SORBS2: variants seen among roughly 807,000 people sequenced by gnomAD.
SORBS2 encodes sorbin and SH3 domain containing 2.
Under a neutral mutation model 97.7 loss-of-function variants are expected in SORBS2, and 46 were observed. The ratio of observed to expected loss-of-function variants is 0.47; its 90% CI spans 0.37 to 0.60. SORBS2 has a LOEUF of 0.60. SORBS2 is among the 20% of genes least tolerant of loss of function. The probability of loss-of-function intolerance (pLI) is 0.00; values close to 1 mark genes in which losing one functional copy is unlikely to be tolerated. For missense variants in SORBS2, 1,316 were observed against 1,282.3 expected, an observed-to-expected ratio of 1.03 and a Z score of -0.40; for synonymous variants, 476 against 473.4, an observed-to-expected ratio of 1.01 and a Z score of -0.07.
At chr4:185,924,560 C>T (rs796224201) in intron 1 of SORBS2, among the ~76,000 whole-genome samples, 6 of 152,326 alleles carry the variant, frequency 3.9e-5, no homozygotes, top group African/African-American at 1.4e-4. Context: ...CCACAAGTGC[C>T]TGGCAACATG....
At chr4:185,650,466 T>C (rs1316014551) in intron 2 of SORBS2, among the ~76,000 whole-genome samples, 1 of 152,148 alleles carries the variant, frequency 6.6e-6, no homozygotes, top group Non-Finnish European at 1.5e-5. Context: ...AGAGACTAGC[T>C]GCAGTTGACT....
chr4:185,867,358 C>T (rs1422547399), intron 1 of SORBS2, among the ~76,000 whole-genome samples: 2 of 152,126 alleles, frequency 1.3e-5, no homozygotes, highest in Non-Finnish European at 2.9e-5. Context: ...TAGCAAAGGG[C>T]TAAATAACTT....
At chr4:185,667,687 G>GATATATAT (rs887494705) in intron 4 of SORBS2, among the ~76,000 whole-genome samples, 68 of 7,124 alleles carry the variant, frequency 9.5e-3, no homozygotes, top group Admixed American at 0.028. Context: ...TTTTAAATGT[G>GATATATAT]ATATATATAT....
chr4:185,751,125 T>C (rs925186588), intron 2 of SORBS2, among the ~76,000 whole-genome samples: 1 of 127,478 alleles, frequency 7.8e-6, no homozygotes, highest in African/African-American at 3.0e-5. Context: ...TTATATAACA[T>C]GGGTTCTTCC....
At chr4:185,867,341 T>C (rs1360446771) in intron 1 of SORBS2, among the ~76,000 whole-genome samples, 1 of 152,214 alleles carries the variant, frequency 6.6e-6, no homozygotes, top group Admixed American at 6.5e-5. Context: ...AAAATAGAAC[T>C]TCCTATTAGC....
At chr4:185,803,527 T>C (rs2099140381) in intron 1 of SORBS2, among the ~76,000 whole-genome samples, 1 of 152,196 alleles carries the variant, frequency 6.6e-6, no homozygotes, top group African/African-American at 2.4e-5. Flanking sequence ...CAAACTAAAC[T>C]ATATTATTTA....
At chr4:185,857,502 ATGAAATCAGTGCACCC>A (rs1195119827) in intron 1 of SORBS2, among the ~76,000 whole-genome samples, 1 of 152,230 alleles carries the variant, frequency 6.6e-6, no homozygotes, top group Non-Finnish European at 1.5e-5. Flanking sequence ...TTTGAACAAT[ATGAAATCAGTGCACCC>A]TGAAAAAGAA....
intron 14 of SORBS2, 84 bp downstream of exon 26, chr4:185,589,595 G>C (rs1382586367): frequency 1.2e-5 from 9 of 781,138 alleles, no homozygotes; most frequent in African/African-American, 3.4e-5. Flanking sequence ...AAGGAAGCTC[G>C]GCCATCACAG....
At chr4:185,867,902 C>T (rs912217819) in intron 1 of SORBS2, among the ~76,000 whole-genome samples, 2 of 152,088 alleles carry the variant, frequency 1.3e-5, no homozygotes, top group African/African-American at 4.8e-5. Flanking sequence ...CCTCAGGGGT[C>T]CCACCAACTA....
At chr4:185,703,857 G>A (rs2098300317) in intron 2 of SORBS2, among the ~76,000 whole-genome samples, 2 of 152,146 alleles carry the variant, frequency 1.3e-5, no homozygotes, top group African/African-American at 4.8e-5. Flanking sequence ...ATTAAGAAAA[G>A]CAATCTGAAT....
At chr4:185,833,730 G>T (rs1174466989) in intron 1 of SORBS2, among the ~76,000 whole-genome samples, 3 of 152,048 alleles carry the variant, frequency 2.0e-5, no homozygotes, top group Admixed American at 2.0e-4. Context: ...TAAATTTAAT[G>T]TTTAGTTTTC....
intron 4 of SORBS2, among the ~76,000 whole-genome samples, chr4:185,642,003 G>A (rs772463051): frequency 2.6e-5 from 4 of 152,110 alleles, no homozygotes; most frequent in African/African-American, 7.2e-5. Context: ...CTTTCTATAC[G>A]TTGTTCTAAA....
chr4:185,781,581 T>G (rs115703965), intron 1 of SORBS2, among the ~76,000 whole-genome samples: 1 of 122,772 alleles, frequency 8.1e-6, no homozygotes, highest in African/African-American at 2.7e-5. Context: ...CCATTGCCTC[T>G]GGCCCCTCCA....
intron 1 of SORBS2, among the ~76,000 whole-genome samples, chr4:185,954,616 C>T (rs753344275): frequency 1.5e-4 from 23 of 152,240 alleles, no homozygotes; most frequent in African/African-American, 2.6e-4. Flanking sequence ...ATAAACGAAG[C>T]GTCTCTTATT....
chr4:185,679,888 C>T (rs2153502455), intron 2 of SORBS2, among the ~76,000 whole-genome samples: 1 of 152,266 alleles, frequency 6.6e-6, no homozygotes, highest in South Asian at 2.1e-4. Flanking sequence ...GAAATGCGAG[C>T]ATCTGATTTT....
At chr4:185,691,775 C>G (rs549385828) in intron 2 of SORBS2, among the ~76,000 whole-genome samples, 1 of 151,736 alleles carries the variant, frequency 6.6e-6, no homozygotes, top group Non-Finnish European at 1.5e-5. Flanking sequence ...AGATGAGTCT[C>G]GCTCTGTCGC....
chr4:185,646,806 C>T (rs750355188), intron 3 of SORBS2, 24 bp from the exon 13 acceptor site: 18 of 1,301,486 alleles, frequency 1.4e-5, no homozygotes, highest in Non-Finnish European at 1.9e-5. Flanking sequence ...ATAAATCACA[C>T]ATTAAAATAA....
chr4:185,904,866 A>G (rs943798447), intron 1 of SORBS2, among the ~76,000 whole-genome samples: 6 of 152,172 alleles, frequency 3.9e-5, no homozygotes, highest in African/African-American at 1.4e-4. Flanking sequence ...GCACTTTGGG[A>G]GGCTGAGGCA....
At chr4:185,934,348 T>A (rs900172417) in intron 1 of SORBS2, among the ~76,000 whole-genome samples, 2 of 152,190 alleles carry the variant, frequency 1.3e-5, no homozygotes, top group Non-Finnish European at 2.9e-5. Flanking sequence ...CGCAAAGGCT[T>A]GCACTCACCA....
Sources: allele counts gnomAD v4.1 joint callset (sites outside exome capture counted in the v4.1 genomes callset), GRCh38; gene constraint gnomAD v4.1.1; transcripts MANE v1.5; gene names NCBI Gene and HGNC (gene_info 2026-07-23, HGNC 2026-07-21).